The following CTNNA2 variants were observed in gnomAD, a reference collection of about 807,000 sequenced individuals.
CTNNA2 encodes the protein catenin alpha 2, also known as catenin alpha-2.
In CTNNA2, 42 loss-of-function variants were observed where a neutral mutation model predicts 101.0. That is an observed-to-expected ratio of 0.42 (90% CI 0.32 to 0.54). CTNNA2 has a LOEUF of 0.54. CTNNA2 is among the 20% of genes least tolerant of loss of function. The pLI is 0.14. For synonymous variants in CTNNA2, 450 were observed against 456.4 expected (o/e 0.99, Z 0.18); for missense variants, 871 against 1,223.1 (o/e 0.71, Z 4.29).
At position 79,254,429 on chromosome 2, in the gene CTNNA2, G is replaced by A. The variant is rs998886794; in HGVS notation, c.-406+56353G>A. Among the ~76,000 whole-genome samples, 6 of 132,042 alleles carry A rather than the reference G, an allele frequency of 4.5e-5. No homozygotes were observed. The South Asian group carries it at 1.5e-3, about 32-fold the overall frequency. 86.6% of individuals were successfully genotyped at this position (132,042 alleles called of 152,430 possible). ...TGTGTAGTCAGTTCTCATGAGACCT[G>A]GTTGTTTAAAAGTGTGTAGCACCTC... On this transcript the variant is annotated intron_variant, in intron 2 of 21. Coordinates refer to the CTNNA2 transcript ENST00000466387.
At chr2:79,503,449 A>G (rs948024623) in intron 4 of CTNNA2, among the ~76,000 whole-genome samples, 1 of 152,168 alleles carries the variant, frequency 6.6e-6, no homozygotes, top group African/African-American at 2.4e-5. Flanking sequence ...CTGACCAAAG[A>G]ACTTATTACA....
chr2:80,236,799 T>C (rs1235238317), intron 7 of CTNNA2, among the ~76,000 whole-genome samples: 1 of 152,204 alleles, frequency 6.6e-6, no homozygotes, highest in Non-Finnish European at 1.5e-5. Flanking sequence ...AGGAAAACAT[T>C]GTGGCTAATC....
intron 4 of CTNNA2, among the ~76,000 whole-genome samples, chr2:79,395,423 G>A (rs547134066): frequency 6.6e-6 from 1 of 151,728 alleles, no homozygotes; most frequent in African/African-American, 2.4e-5. Flanking sequence ...CCTGGTGTGT[G>A]ATGTTCCCCT....
intron 4 of CTNNA2, among the ~76,000 whole-genome samples, chr2:79,442,802 C>T (rs10445954): frequency 0.19 from 28,905 of 151,990 alleles, 2,829 homozygotes; most frequent in Middle Eastern, 0.32. Context: ...TTGTATGAGG[C>T]GTATTGTGGG....
intron 1 of CTNNA2, among the ~76,000 whole-genome samples, chr2:79,618,207 G>C (rs573744238): frequency 2.0e-5 from 3 of 152,332 alleles, no homozygotes; most frequent in African/African-American, 7.2e-5. Context: ...AGTCTGCCAT[G>C]TCCTTATTTT....
intron 3 of CTNNA2, among the ~76,000 whole-genome samples, chr2:79,835,541 A>G (rs1394160929): frequency 6.6e-6 from 1 of 152,048 alleles, no homozygotes; most frequent in Non-Finnish European, 1.5e-5. Context: ...ACCTCCCTGA[A>G]TATCTGCCTA....
intron 9 of CTNNA2, among the ~76,000 whole-genome samples, chr2:80,448,645 A>G (rs534588289): frequency 6.6e-6 from 1 of 152,308 alleles, no homozygotes; most frequent in East Asian, 1.9e-4. Flanking sequence ...CACTATTTGC[A>G]TAAGTCTCCT....
chr2:79,459,377 G>A (rs1039232564), intron 4 of CTNNA2, among the ~76,000 whole-genome samples: 1 of 151,662 alleles, frequency 6.6e-6, no homozygotes, highest in Non-Finnish European at 1.5e-5. Flanking sequence ...GAATATGCAA[G>A]TATTGTAAGT....
intron 9 of CTNNA2, among the ~76,000 whole-genome samples, chr2:80,526,441 G>A (rs1000354489): frequency 2.1e-4 from 32 of 151,576 alleles, no homozygotes; most frequent in African/African-American, 5.1e-4. Flanking sequence ...CTTGTGATCC[G>A]CCCACCTCAG....
intron 9 of CTNNA2, among the ~76,000 whole-genome samples, chr2:80,479,121 A>G (rs1331843569): frequency 6.6e-6 from 1 of 151,982 alleles, no homozygotes; most frequent in Non-Finnish European, 1.5e-5. Flanking sequence ...CTAAGTAAAA[A>G]CACATATAAG....
rs559739859 is a variant in CTNNA2 at position 80,191,201 on chromosome 2, G to A, written c.1057-202010G>A. Reference sequence around the variant, plus strand: ...TTTGCAATTTGCCAATATTTTAAAAGGGAAGACAAAGCCATAAGACAGAAT... The same window carrying A: ...TTTGCAATTTGCCAATATTTTAAAAAGGAAGACAAAGCCATAAGACAGAAT... On this transcript the variant is annotated intron_variant, in intron 7 of 18. Transcript: ENST00000402739. Among the ~76,000 whole-genome samples, 3 of 152,240 alleles carry A rather than the reference G, an allele frequency of 2.0e-5. No homozygotes were observed. The South Asian group carries it at 6.2e-4, about 32-fold the overall frequency.
intron 3 of CTNNA2, among the ~76,000 whole-genome samples, chr2:79,317,122 G>A (rs908469929): frequency 9.9e-5 from 15 of 151,858 alleles, no homozygotes; most frequent in African/African-American, 2.9e-4. Context: ...TCAATAATGG[G>A]CATTGGGTTT....
chr2:80,537,387 G>A (rs530032379), intron 9 of CTNNA2, among the ~76,000 whole-genome samples: 39 of 152,238 alleles, frequency 2.6e-4, no homozygotes, highest in African/African-American at 9.1e-4. Flanking sequence ...TTAAACATAT[G>A]TGTGCATGTG....
chr2:79,674,652 G>A (rs77400495), intron 2 of CTNNA2, among the ~76,000 whole-genome samples: 4,775 of 152,110 alleles, frequency 0.031, 246 homozygotes, highest in African/African-American at 0.11. Flanking sequence ...TATGTAGACC[G>A]CCTATGTAAG....
In CTNNA2 at chr2:80,012,197, G is replaced by T. The variant is rs534858137; in HGVS notation, c.1056+102400G>T. Among the ~76,000 whole-genome samples the T allele has an allele frequency of 1.1e-4, 16 of 152,172 alleles. 1 individual carries two copies. In the South Asian group the frequency reaches 3.1e-3, roughly 30 times the overall value. ...GTGCCAAGCAGAGAGAAGATACTTTGTCCATGTTTGATAAACACATGAGGG... is the reference window on the plus strand; with the variant it reads ...GTGCCAAGCAGAGAGAAGATACTTTTTCCATGTTTGATAAACACATGAGGG... On this transcript the variant is annotated intron_variant, in intron 7 of 18. Coordinates refer to ENST00000402739, the MANE Select transcript of CTNNA2 (RefSeq NM_001282597.3).
chr2:79,298,294 G>T (rs1011420892), intron 2 of CTNNA2, among the ~76,000 whole-genome samples: 4 of 152,060 alleles, frequency 2.6e-5, no homozygotes, highest in African/African-American at 9.7e-5. Context: ...AGATCTCTCA[G>T]GAACGAATAG....
At chr2:80,249,512 C>G (rs1413865374) in intron 7 of CTNNA2, among the ~76,000 whole-genome samples, 1 of 152,174 alleles carries the variant, frequency 6.6e-6, no homozygotes, top group Admixed American at 6.5e-5. Context: ...GTGCCTGGAA[C>G]TTTCCTAAAG....
At chr2:80,117,768 A>G (rs1322528298) in intron 7 of CTNNA2, among the ~76,000 whole-genome samples, 1 of 151,982 alleles carries the variant, frequency 6.6e-6, no homozygotes, top group Non-Finnish European at 1.5e-5. Context: ...AGTGCACTTC[A>G]CTCTACCAAA....
chr2:80,265,468 A>G (rs1208300479), intron 7 of CTNNA2, among the ~76,000 whole-genome samples: 1 of 152,162 alleles, frequency 6.6e-6, no homozygotes, highest in Non-Finnish European at 1.5e-5. Flanking sequence ...GGAAAGATGC[A>G]TAGGGATTCT....
Sources: allele counts gnomAD v4.1 joint callset (sites outside exome capture counted in the v4.1 genomes callset), GRCh38; gene constraint gnomAD v4.1.1; transcripts MANE v1.5; gene names NCBI Gene and HGNC (gene_info 2026-07-23, HGNC 2026-07-21).